CADM2: variants seen among roughly 807,000 people sequenced by gnomAD.
CADM2 encodes cell adhesion molecule 2.
A neutral mutation model predicts 49.8 loss-of-function variants in CADM2; 12 were observed. The observed-to-expected ratio is 0.24, with a 90% CI of 0.15 to 0.39. The LOEUF (loss-of-function observed/expected upper bound fraction) is 0.39. CADM2 is among the 10% of genes least tolerant of loss of function. The pLI, the probability that CADM2 is intolerant of heterozygous loss-of-function variation, is 1.00. For missense variants in CADM2, 378 were observed against 492.3 expected (o/e 0.77, Z 2.20); for synonymous variants, 214 against 175.4 (o/e 1.22, Z -1.74).
intron 1 of CADM2, among the ~76,000 whole-genome samples, chr3:84,964,997 A>T (rs1010066029): frequency 1.3e-5 from 2 of 152,158 alleles, no homozygotes; most frequent in African/African-American, 4.8e-5. Context: ...ATTCAATCTG[A>T]TCAGTCATTT....
At chr3:85,482,967 C>A (rs948594745) in intron 1 of CADM2, among the ~76,000 whole-genome samples, 1 of 151,274 alleles carries the variant, frequency 6.6e-6, no homozygotes, top group African/African-American at 2.4e-5. Context: ...GTTATTAAAT[C>A]GGTCCTTTGA....
rs1381329423 is a variant in CADM2, at chr3:85,726,657, G to T, written c.88+109G>T. The T allele has an allele frequency of 7.9e-6, 6 of 759,792 alleles. No homozygotes were observed. The South Asian group carries it at 1.0e-4, about 13-fold the overall frequency. The allele number at this position is 759,792 out of a possible 1,614,324, so 47.1% of individuals were successfully genotyped here. A position where few individuals can be genotyped will look rare whatever the true frequency, so the allele number is the denominator to read the frequency against. On this transcript the variant is annotated intron_variant, in intron 2 of 9. Coordinates refer to ENST00000383699, the MANE Select transcript of CADM2 (RefSeq NM_001167675.2). ...TTCGGTTGGTGATAATACTATTTCAGTGTATAGATATTGTTCATAAATTCC... is the reference window on the plus strand; with the variant it reads ...TTCGGTTGGTGATAATACTATTTCATTGTATAGATATTGTTCATAAATTCC...
In CADM2 at chr3:85,912,405, C is replaced by T. The variant is rs759648918; in HGVS notation, c.562C>T (p.Arg188Cys). ...ATATTTAAAAGAAGAGGATGCAAAT[C>T]GCAAGACATTCACTGTCAGCAGCAC... ...VKYLKEEDAN[R>C]KTFTVSSTLD... The change falls in exon 6 of 10, where the codon CGC (arginine) becomes TGC (cysteine). Residue 188 changes from arginine to cysteine, a missense_variant. Arg to Cys is a radical substitution (Grantham distance 180, BLOSUM62 -3). Coordinates refer to ENST00000383699, the MANE Select transcript of CADM2 (RefSeq NM_001167675.2). 1 of 1,611,084 alleles carries T rather than the reference C, an allele frequency of 6.2e-7. No individual in the cohort carries two copies. Among genetic ancestry groups the T allele is most frequent in the South Asian group, 1.1e-5 (1 of 90,404 alleles).
At chr3:85,923,607 A>G (rs768704950) in intron 6 of CADM2, among the ~76,000 whole-genome samples, 2 of 151,568 alleles carry the variant, frequency 1.3e-5, no homozygotes, top group Non-Finnish European at 2.9e-5. Context: ...TTTTGTTTCT[A>G]TACTTCTTTT....
intron 1 of CADM2, among the ~76,000 whole-genome samples, chr3:85,143,349 A>G (rs1050258891): frequency 2.0e-5 from 3 of 152,082 alleles, no homozygotes; most frequent in African/African-American, 4.8e-5. Flanking sequence ...TTAATCAGGC[A>G]TCGTGTCACA....
chr3:85,113,161 C>T (rs887441834), intron 1 of CADM2, among the ~76,000 whole-genome samples: 1 of 152,094 alleles, frequency 6.6e-6, no homozygotes, highest in African/African-American at 2.4e-5. Flanking sequence ...TTTGTTCATT[C>T]CTTTACTGAG....
rs531002365 is a variant in CADM2, at chr3:85,464,018, A to G, written c.62-262504A>G. Among the ~76,000 whole-genome samples the G allele has an allele frequency of 8.5e-5, 13 of 152,302 alleles. No individual in the cohort carries two copies. In the East Asian group the frequency reaches 1.7e-3, roughly 20 times the overall value. On this transcript the variant is annotated intron_variant, in intron 1 of 9. Transcript: ENST00000383699. ...TGCTTTTCTGTTTTTTAAGTGATCA[A>G]TATGTAATTCTCTCCATGATGCAGT... is the stretch of plus-strand genomic sequence containing the variant.
intron 1 of CADM2, among the ~76,000 whole-genome samples, chr3:85,218,244 A>G (rs1400615522): frequency 2.0e-5 from 3 of 152,180 alleles, no homozygotes; most frequent in Non-Finnish European, 2.9e-5. Context: ...AGACTTAGCC[A>G]TATTTACCAT....
chr3:86,066,225 C>A (rs932297698), intron 9 of CADM2, among the ~76,000 whole-genome samples: 1 of 145,554 alleles, frequency 6.9e-6, no homozygotes, highest in South Asian at 2.3e-4. Context: ...CCCAGCTACT[C>A]GGGAGGCTGA....
chr3:85,388,963 G>A (rs1034149993), intron 1 of CADM2, among the ~76,000 whole-genome samples: 1 of 152,102 alleles, frequency 6.6e-6, no homozygotes, highest in African/African-American at 2.4e-5. Flanking sequence ...CCATCTGGGG[G>A]TATTGGATAA....
intron 1 of CADM2, among the ~76,000 whole-genome samples, chr3:85,421,263 C>A (rs185730492): frequency 3.9e-5 from 6 of 152,102 alleles, no homozygotes; most frequent in African/African-American, 1.4e-4. Flanking sequence ...TGTATTTATT[C>A]CTGTTGTTAA....
At chr3:85,383,514 ATG>A (rs1301954318) in intron 1 of CADM2, among the ~76,000 whole-genome samples, 821 of 4,390 alleles carry the variant, frequency 0.19, 10 homozygotes, top group East Asian at 0.28. Flanking sequence ...ATATATATAT[ATG>A]TATATATATA....
At position 86,066,857 on chromosome 3, in the gene CADM2, C is replaced by A. The variant is rs1739396679; in HGVS notation, c.*74C>A. On this transcript the variant is annotated 3_prime_UTR_variant, in exon 10 of 10. Coordinates refer to ENST00000383699, the MANE Select transcript of CADM2 (RefSeq NM_001167675.2). ...AAACTGGCTATCATCTTTCAGAAGT[C>A]ATTTCTACCATCGTCTGCTACCCTT... is the stretch of plus-strand genomic sequence containing the variant. The A allele has an allele frequency of 6.1e-6, 6 of 984,154 alleles. No individual in the cohort carries two copies. The African/African-American group carries it at 8.0e-5, about 13-fold the overall frequency. 61.0% of individuals were successfully genotyped at this position (984,154 alleles called of 1,614,324 possible).
intron 3 of CADM2, among the ~76,000 whole-genome samples, chr3:85,877,356 A>T (rs1383138293): frequency 1.3e-5 from 2 of 152,074 alleles, no homozygotes; most frequent in African/African-American, 4.8e-5. Flanking sequence ...TCAGGTAATG[A>T]TTTATATTCT....
intron 3 of CADM2, among the ~76,000 whole-genome samples, chr3:85,829,478 A>T (rs1010055332): frequency 3.3e-5 from 5 of 151,980 alleles, no homozygotes; most frequent in Admixed American, 6.6e-5. Context: ...CTATACATTT[A>T]TTCTGGGCAC....
At chr3:85,002,905 C>T (rs1395453330) in intron 1 of CADM2, among the ~76,000 whole-genome samples, 1 of 152,118 alleles carries the variant, frequency 6.6e-6, no homozygotes, top group Non-Finnish European at 1.5e-5. Flanking sequence ...CCCACCTCAG[C>T]CTCCCAAATA....
rs1304329661 is a variant in CADM2 at position 85,252,009 on chromosome 3, A to T, written c.61+292341A>T. 2.0e-5 allele frequency among the ~76,000 whole-genome samples: 3 copies of T among 152,000 alleles called. No homozygotes were observed. In the East Asian group the frequency reaches 5.8e-4, roughly 29 times the overall value. Reference sequence around the variant, plus strand: ...CACAAAGCCTGGAATTTGCCATGTTAGCATTTTCAATTCCCTTGCCACAAG... The same window carrying T: ...CACAAAGCCTGGAATTTGCCATGTTTGCATTTTCAATTCCCTTGCCACAAG... On this transcript the variant is annotated intron_variant, in intron 1 of 9. Transcript: ENST00000383699.
At chr3:85,921,754 ATC>A (rs147793987) in intron 6 of CADM2, among the ~76,000 whole-genome samples, 54 of 147,524 alleles carry the variant, frequency 3.7e-4, no homozygotes, top group Admixed American at 4.8e-4. Context: ...ATCTACTGTT[ATC>A]TCTCTCTCTC....
chr3:85,001,460 T>C (rs2107216809), intron 1 of CADM2, among the ~76,000 whole-genome samples: 1 of 152,176 alleles, frequency 6.6e-6, no homozygotes, highest in Non-Finnish European at 1.5e-5. Context: ...CTGTAACAGT[T>C]TGCAATAACT....
Sources: allele counts gnomAD v4.1 joint callset (sites outside exome capture counted in the v4.1 genomes callset), GRCh38; gene constraint gnomAD v4.1.1; transcripts MANE v1.5; gene names NCBI Gene and HGNC (gene_info 2026-07-23, HGNC 2026-07-21).